The following DKK2 variants were observed in gnomAD, a reference collection of about 807,000 sequenced individuals.
DKK2 encodes the protein dickkopf Wnt signaling pathway inhibitor 2.
In DKK2, 11 loss-of-function variants were observed where a neutral mutation model predicts 28.1. The observed-to-expected ratio is 0.39, with a 90% CI of 0.25 to 0.65. DKK2 has a LOEUF of 0.65. Ranked by LOEUF, DKK2 falls within the 30% of genes least tolerant of loss-of-function variation. DKK2 has a pLI of 0.47. For missense variants in DKK2, 326 were observed against 335.5 expected (o/e 0.97, Z 0.22); for synonymous variants, 135 against 126.5 (o/e 1.07, Z -0.45).
Position 106,957,965 on chromosome 4 carries a change from C to A in DKK2, c.223-32016G>T, listed in dbSNP as rs546891216. Among the ~76,000 whole-genome samples the A allele has an allele frequency of 8.7e-3, 1,313 of 150,520 alleles. 29 individuals carry two copies. The highest frequency in any genetic ancestry group is 0.031 in the African/African-American group (1,279 of 41,168). ...TTTAAAAAAGATGATTCTCTACTAG[C>A]ATTTTTTTCCAAGAGTAATAATTCT... On this transcript the variant is annotated intron_variant, in intron 1 of 3. Coordinates refer to ENST00000285311, the MANE Select transcript of DKK2 (RefSeq NM_014421.3).
intron 1 of DKK2, among the ~76,000 whole-genome samples, chr4:106,950,962 T>G (rs1412925615): frequency 1.3e-5 from 2 of 152,250 alleles, no homozygotes; most frequent in East Asian, 3.9e-4. Context: ...ATTCTGACTT[T>G]TATTATCATT....
chr4:107,019,168 C>A (rs1224995375), intron 1 of DKK2, among the ~76,000 whole-genome samples: 2 of 151,882 alleles, frequency 1.3e-5, no homozygotes. Flanking sequence ...TAAAACAAAA[C>A]AAAATAGAAC....
chr4:106,952,069 A>G (rs1724867892), intron 1 of DKK2, among the ~76,000 whole-genome samples: 1 of 152,118 alleles, frequency 6.6e-6, no homozygotes, highest in Admixed American at 6.6e-5. Context: ...CGCAATAAGA[A>G]TTTTTACTCT....
chr4:106,949,060 A>G (rs192029697), intron 1 of DKK2, among the ~76,000 whole-genome samples: 23 of 152,278 alleles, frequency 1.5e-4, no homozygotes, highest in African/African-American at 5.5e-4. Context: ...GTATACGGGT[A>G]TATAAATGAT....
At chr4:107,016,477 T>C (rs537564596) in intron 1 of DKK2, among the ~76,000 whole-genome samples, 4 of 152,046 alleles carry the variant, frequency 2.6e-5, no homozygotes, top group South Asian at 2.1e-4. Flanking sequence ...ATATTTCTCA[T>C]GTTTGCATAA....
At chr4:106,966,110 A>G (rs1391227154) in intron 1 of DKK2, among the ~76,000 whole-genome samples, 1 of 152,174 alleles carries the variant, frequency 6.6e-6, no homozygotes, top group Non-Finnish European at 1.5e-5. Context: ...TTAAGATTTA[A>G]AAATAATTTG....
chr4:106,993,747 A>AC (rs1435902437), intron 1 of DKK2, among the ~76,000 whole-genome samples: 1 of 152,204 alleles, frequency 6.6e-6, no homozygotes, highest in Non-Finnish European at 1.5e-5. Context: ...AGTCTTCCCA[A>AC]ATTCATTGCT....
At chr4:107,012,540 A>G (rs1371985165) in intron 1 of DKK2, among the ~76,000 whole-genome samples, 1 of 151,302 alleles carries the variant, frequency 6.6e-6, no homozygotes, top group Non-Finnish European at 1.5e-5. Flanking sequence ...GAAGTACTCA[A>G]AATAGGATAT....
intron 1 of DKK2, among the ~76,000 whole-genome samples, chr4:107,021,233 T>C (rs1723687027): frequency 6.6e-6 from 1 of 152,022 alleles, no homozygotes; most frequent in Non-Finnish European, 1.5e-5. Context: ...GGGTACTTTG[T>C]TCATGGAAAC....
At chr4:106,982,349 T>TA (rs1457569534) in intron 1 of DKK2, among the ~76,000 whole-genome samples, 1 of 152,192 alleles carries the variant, frequency 6.6e-6, no homozygotes, top group East Asian at 1.9e-4. Context: ...TAAGTTAGTG[T>TA]ACTCATCACC....
intron 1 of DKK2, among the ~76,000 whole-genome samples, chr4:106,946,962 A>T (rs950294375): frequency 1.3e-5 from 2 of 152,138 alleles, no homozygotes; most frequent in Non-Finnish European, 2.9e-5. Flanking sequence ...CTACTAATGT[A>T]GGCATTTTAG....
At chr4:106,929,173 A>G (rs1330070463) in intron 1 of DKK2, among the ~76,000 whole-genome samples, 1 of 152,326 alleles carries the variant, frequency 6.6e-6, no homozygotes, top group Non-Finnish European at 1.5e-5. Context: ...CTTTAACGAA[A>G]TCAATAATAT....
rs576830665 is a variant in DKK2 at position 106,931,669 on chromosome 4, T to C, written c.223-5720A>G. Among the ~76,000 whole-genome samples, 4 of 152,274 alleles carry C rather than the reference T, an allele frequency of 2.6e-5. No individual in the cohort carries two copies. The South Asian group carries it at 8.3e-4, about 32-fold the overall frequency. ...TAATCAAAGCATACTGATCCTGAAA[T>C]TAATCACAACATATTTACTCATGGG... On this transcript the variant is annotated intron_variant, in intron 1 of 3. Coordinates refer to ENST00000285311, the MANE Select transcript of DKK2 (RefSeq NM_014421.3).
At chr4:107,002,362 CT>C (rs1225023957) in intron 1 of DKK2, among the ~76,000 whole-genome samples, 2 of 152,134 alleles carry the variant, frequency 1.3e-5, no homozygotes, top group East Asian at 3.9e-4. Context: ...GTTTTACTTG[CT>C]TTTTCCATAA....
rs1250492299 is a variant in DKK2 at position 107,035,386 on chromosome 4, C to T, written c.206G>A (p.Gly69Asp). The T allele has an allele frequency of 1.2e-6, 2 of 1,614,170 alleles. No homozygotes were observed. Among genetic ancestry groups the T allele is most frequent in the South Asian group, 2.2e-5 (2 of 91,088 alleles). Residue 69 changes from glycine (G) to aspartate (D), a missense_variant, in exon 1 of 4, where the codon GGC (glycine) becomes GAC (aspartate). Gly to Asp is a moderately conservative substitution (Grantham distance 94, BLOSUM62 -1). Transcript: ENST00000285311. Reference sequence around the variant, plus strand: ...TTTTCCTACCTGCCCCAGGTTTTTGCCCTTCTTACTGCCGCCGAATGCCAG... The same window carrying T: ...TTTTCCTACCTGCCCCAGGTTTTTGTCCTTCTTACTGCCGCCGAATGCCAG... Reference protein sequence around the residue: ...QGLAFGGSKKGKNLGQAYPCS... With the variant: ...QGLAFGGSKKDKNLGQAYPCS...
chr4:107,014,788 A>G (rs1208681816), intron 1 of DKK2, among the ~76,000 whole-genome samples: 5 of 151,394 alleles, frequency 3.3e-5, no homozygotes, highest in African/African-American at 9.7e-5. Flanking sequence ...TCAATTAGTC[A>G]ATTATAAACA....
chr4:106,958,688 T>C (rs975160408), intron 1 of DKK2, among the ~76,000 whole-genome samples: 1 of 151,502 alleles, frequency 6.6e-6, no homozygotes. Context: ...ATGCAAAAAA[T>C]TAGCCGGATG....
At chr4:106,968,115 G>A (rs549561273) in intron 1 of DKK2, among the ~76,000 whole-genome samples, 51 of 147,214 alleles carry the variant, frequency 3.5e-4, no homozygotes, top group Non-Finnish European at 6.6e-4. Flanking sequence ...GTGGAGAAAA[G>A]AGAGGGAAGG....
At chr4:106,928,094 C>T (rs1163182629) in intron 1 of DKK2, among the ~76,000 whole-genome samples, 2 of 151,922 alleles carry the variant, frequency 1.3e-5, no homozygotes, top group Non-Finnish European at 2.9e-5. Flanking sequence ...TTGTGAATGG[C>T]GCATCACCAT....
Sources: gnomAD v4.1 joint callset for allele counts (sites outside exome capture counted in the v4.1 genomes callset) on GRCh38, gnomAD v4.1.1 for gene constraint, MANE v1.5 for transcripts, NCBI Gene and HGNC (gene_info 2026-07-23, HGNC 2026-07-21) for gene names.